TMEM43: variants seen among roughly 807,000 people sequenced by gnomAD.
TMEM43 encodes the protein arrhythmogenic right ventricular dysplasia 5.
TMEM43 carries 45 observed loss-of-function variants against 49.6 expected under a neutral mutation model. The ratio of observed to expected loss-of-function variants is 0.91; its 90% CI spans 0.71 to 1.16. The LOEUF is 1.16. Among genes scored for constraint, TMEM43 ranks in the 50% most tolerant of loss-of-function variants. The probability of loss-of-function intolerance (pLI) is 0.00; values close to 1 mark genes in which losing one functional copy is unlikely to be tolerated. For synonymous variants in TMEM43, 199 were observed against 207.8 expected, an observed-to-expected ratio of 0.96 and a Z score of 0.36; for missense variants, 532 against 516.6, an observed-to-expected ratio of 1.03 and a Z score of -0.29.
chr3:14,136,934 T>C (rs1048687638), intron 10 of TMEM43, among the ~76,000 whole-genome samples: 4 of 149,220 alleles, frequency 2.7e-5, no homozygotes, highest in Non-Finnish European at 5.9e-5. Flanking sequence ...AGCAGAAGAA[T>C]TGAGTCTTTA....
intron 10 of TMEM43, among the ~76,000 whole-genome samples, chr3:14,136,705 G>A (rs887510204): frequency 1.5e-4 from 21 of 136,354 alleles, no homozygotes; most frequent in Admixed American, 1.5e-3. Context: ...GAGGGAGTGG[G>A]TGGGGGGGCT....
intron 10 of TMEM43, chr3:14,138,057 A>T (rs1695192819): frequency 6.6e-6 from 1 of 152,214 alleles, no homozygotes; most frequent in Non-Finnish European, 1.5e-5. Context: ...GGTGAGTGAT[A>T]AATGTGACCT....
At chr3:14,138,855 C>T (rs1437376714) in intron 10 of TMEM43, among the ~76,000 whole-genome samples, 3 of 152,194 alleles carry the variant, frequency 2.0e-5, no homozygotes, top group Admixed American at 6.5e-5. Flanking sequence ...AGCATGCTGC[C>T]CAGCAGACAT....
rs573135235 is a variant in TMEM43, at chr3:14,142,803, C to G, written c.*1008C>G. 6.5e-6 allele frequency: 1 copy of G among 152,726 alleles called. No individual in the cohort carries two copies. Among genetic ancestry groups the G allele is most frequent in the East Asian group, 1.9e-4 (1 of 5,182 alleles). The allele number at this position is 152,726 out of a possible 1,614,324, so 9.5% of individuals were successfully genotyped here. On this transcript the variant is annotated 3_prime_UTR_variant, in exon 12 of 12. Coordinates refer to ENST00000306077, the MANE Select transcript of TMEM43 (RefSeq NM_024334.3). The stretch of plus-strand genomic sequence containing the variant: ...TGGAGAAAGCACTTGCTTTCATCCT[C>G]TGGCATCGGAAACTCCCCTATGCAC...
At chr3:14,132,646 T>G (rs4685075) in intron 5 of TMEM43, 51 bp downstream of exon 5, 118 of 1,603,428 alleles carry the variant, frequency 7.4e-5, no homozygotes, top group Non-Finnish European at 8.9e-5. Flanking sequence ...GGGCCCACAG[T>G]GGTGGCTGGA....
At chr3:14,125,932 G>C (rs1695014245) in intron 1 of TMEM43, among the ~76,000 whole-genome samples, 1 of 152,184 alleles carries the variant, frequency 6.6e-6, no homozygotes, top group Non-Finnish European at 1.5e-5. Flanking sequence ...CTACCAGGGC[G>C]CTGGGTGTGG....
Position 14,141,606 on chromosome 3 carries a change from T to C in TMEM43, c.1014T>C (p.Pro338=). 2.5e-6 allele frequency: 4 copies of C among 1,614,190 alleles called. No individual in the cohort carries two copies. Among genetic ancestry groups the C allele is most frequent in the East Asian group, 2.2e-5 (1 of 44,870 alleles). ...TCCTTTCCACAGTGGACTGGTTTCC[T>C]GTTTTCCGAGACCTGGTCAACATTG... ...RILYTLVDWF[P]VFRDLVNIGL... Residue 338 remains proline (P), a synonymous_variant, in exon 12 of 12, where the codon CCT becomes CCC. Coordinates refer to ENST00000306077, the MANE Select transcript of TMEM43 (RefSeq NM_024334.3).
intron 1 of TMEM43, chr3:14,129,136 G>C (rs909822942): frequency 1.8e-5 from 7 of 398,462 alleles, no homozygotes; most frequent in Non-Finnish European, 3.3e-5. Context: ...GTTACCTCTG[G>C]TTGGTGGAGA....
chr3:14,130,541 C>T (rs1695078904), intron 2 of TMEM43, among the ~76,000 whole-genome samples: 1 of 152,092 alleles, frequency 6.6e-6, no homozygotes, highest in East Asian at 1.9e-4. Flanking sequence ...AAGGGACAGG[C>T]AGGCAGAAAC....
Position 14,129,502 on chromosome 3 carries a change from G to A in TMEM43, c.103G>A (p.Gly35Arg). The A allele has an allele frequency of 1.2e-6, 2 of 1,614,110 alleles. No individual in the cohort carries two copies. The highest frequency in any genetic ancestry group is 1.7e-6 in the Non-Finnish European group (2 of 1,180,006). ...GGAACGGCTGAGCGAGACCTCGGGT[G>A]GGATGTTTGTGGGGCTCATGGCCTT... ...FLERLSETSG[G>R]MFVGLMAFLL... Residue 35 changes from glycine (G) to arginine (R), a missense_variant, in exon 2 of 12, where the codon GGG becomes AGG. Transcript: ENST00000306077.
In TMEM43 at chr3:14,134,763, C is replaced by T. The variant is rs773841507; in HGVS notation, c.584-7C>T. 7.4e-6 allele frequency: 12 copies of T among 1,614,042 alleles called. No homozygotes were observed. In the South Asian group the frequency reaches 1.3e-4, roughly 18 times the overall value. ...CCCTGGGTTTCTAACCACTCTGGTC[C>T]CCTCAGGCCTCATCGACAAAGTCGA... On this transcript the variant is annotated splice_region_variant and splice_polypyrimidine_tract_variant and intron_variant, in intron 7 of 11. Transcript: ENST00000306077.
At chr3:14,133,467 TGAC>T (rs1177761048) in intron 6 of TMEM43, among the ~76,000 whole-genome samples, 2 of 152,086 alleles carry the variant, frequency 1.3e-5, no homozygotes, top group Admixed American at 6.5e-5. Flanking sequence ...AAGATACATC[TGAC>T]AGCAGTGGGT....
chr3:14,132,180 A>T (rs1460687473), intron 4 of TMEM43, among the ~76,000 whole-genome samples: 1 of 151,782 alleles, frequency 6.6e-6, no homozygotes, highest in Non-Finnish European at 1.5e-5. Flanking sequence ...ACAGGTGGGG[A>T]GGTGGTGGGA....
At chr3:14,127,631 T>A (rs1695037318) in intron 1 of TMEM43, among the ~76,000 whole-genome samples, 1 of 152,240 alleles carries the variant, frequency 6.6e-6, no homozygotes, top group Admixed American at 6.5e-5. Context: ...TCCCGCTCTT[T>A]GGGCTTGCCT....
intron 4 of TMEM43, 108 bp from the exon 5 acceptor site, chr3:14,132,438 G>A: frequency 1.8e-6 from 2 of 1,120,846 alleles, no homozygotes; most frequent in Non-Finnish European, 2.7e-6. Flanking sequence ...GCCGTATCTG[G>A]GGAGTCTGAT....
chr3:14,129,307 T>TAAAAAAA (rs10648308), intron 1 of TMEM43, 105 bp from the exon 2 acceptor site: 99 of 380,616 alleles, frequency 2.6e-4, no homozygotes, highest in African/African-American at 1.3e-3. Context: ...CAGTTAAAAC[T>TAAAAAAA]AAAAAAAAAA....
rs1224183660 is a variant in TMEM43 at position 14,131,716 on chromosome 3, G to A, written c.392+42G>A. The A allele has an allele frequency of 7.0e-6, 10 of 1,429,572 alleles. No homozygotes were observed. The South Asian group carries it at 1.0e-4, about 15-fold the overall frequency. 88.6% of individuals were successfully genotyped at this position (1,429,572 alleles called of 1,614,324 possible). A position where few individuals can be genotyped will look rare whatever the true frequency, so the allele number is the denominator to read the frequency against. On this transcript the variant is annotated intron_variant, in intron 4 of 11. Transcript: ENST00000306077. ...AAAACTCTGTTGGGGTAAAGGAGGA[G>A]TGAAGTGTAGGTGTCAGGATAACAT...
intron 1 of TMEM43, among the ~76,000 whole-genome samples, chr3:14,126,812 G>C: frequency 6.6e-6 from 1 of 152,216 alleles, no homozygotes; most frequent in South Asian, 2.1e-4. Context: ...GCAGCCACTA[G>C]GCTGGGTGAG....
chr3:14,128,909 T>G lies in TMEM43; in HGVS notation c.13-503T>G, dbSNP rs1198510954. ...TCCACTGACGAATGATTCAGCACAC[T>G]GTGGTATAGTCATAAATGGAATACT... On this transcript the variant is annotated intron_variant, in intron 1 of 11. Coordinates refer to ENST00000306077, the MANE Select transcript of TMEM43 (RefSeq NM_024334.3). 1.5e-5 allele frequency: 7 copies of G among 455,504 alleles called. No individual in the cohort carries two copies. In the East Asian group the frequency reaches 4.9e-4, roughly 32 times the overall value. The allele number at this position is 455,504 out of a possible 1,614,324, so 28.2% of individuals were successfully genotyped here.
Sources: gnomAD v4.1 joint callset for allele counts (sites outside exome capture counted in the v4.1 genomes callset) on GRCh38, gnomAD v4.1.1 for gene constraint, MANE v1.5 for transcripts, NCBI Gene and HGNC (gene_info 2026-07-23, HGNC 2026-07-21) for gene names.